PLCH1: variants seen among roughly 807,000 people sequenced by gnomAD.
The protein encoded by PLCH1 is phospholipase C eta 1, also known as 1-phosphatidylinositol 4,5-bisphosphate phosphodiesterase eta-1.
In PLCH1, 60 loss-of-function variants were observed where a neutral mutation model predicts 126.7. That is an observed-to-expected ratio of 0.47 (90% CI 0.38 to 0.59). The LOEUF (loss-of-function observed/expected upper bound fraction) is 0.59, where lower values mean the gene tolerates loss of function less well. Among genes scored for constraint, PLCH1 ranks in the 20% least tolerant of loss-of-function variants. The pLI is 0.00. For missense variants in PLCH1, 1,723 were observed against 2,040.0 expected (o/e 0.84, Z 2.99); for synonymous variants, 719 against 734.9 (o/e 0.98, Z 0.35).
chr3:155,682,837 A>G (rs1468756465), intron 2 of PLCH1, among the ~76,000 whole-genome samples: 1 of 152,238 alleles, frequency 6.6e-6, no homozygotes, highest in African/African-American at 2.4e-5. Context: ...TATTACAAAA[A>G]TTTTAGCTGA....
intron 2 of PLCH1, among the ~76,000 whole-genome samples, chr3:155,614,175 A>C (rs1735489192): frequency 1.3e-5 from 2 of 152,224 alleles, no homozygotes; most frequent in Admixed American, 1.3e-4. Context: ...AACACATTCC[A>C]TGCTCATGGA....
At chr3:155,595,203 C>A (rs1732824619) in intron 3 of PLCH1, among the ~76,000 whole-genome samples, 1 of 152,192 alleles carries the variant, frequency 6.6e-6, no homozygotes, top group Non-Finnish European at 1.5e-5. Context: ...TGGCTGGAAT[C>A]ACAGAGATTA....
rs182034199 is a variant in PLCH1, at chr3:155,583,753, A to G, written c.601-111T>C. The G allele has an allele frequency of 4.3e-3, 2,924 of 674,574 alleles. 13 individuals are homozygous for G. The highest frequency in any genetic ancestry group is 7.5e-3 in the Admixed American group (204 of 27,048). The allele number at this position is 674,574 out of a possible 1,614,324, so 41.8% of individuals were successfully genotyped here. On this transcript the variant is annotated intron_variant, in intron 5 of 22. Transcript: ENST00000460012. ...GCTAGTACACAAATCCCAAGAGGTGAGCACACATTCTCTTCGAGCACACAT... is the reference window on the plus strand; with the variant it reads ...GCTAGTACACAAATCCCAAGAGGTGGGCACACATTCTCTTCGAGCACACAT...
chr3:155,578,058 G>A (rs1387833042), intron 6 of PLCH1, among the ~76,000 whole-genome samples: 1 of 152,138 alleles, frequency 6.6e-6, no homozygotes, highest in Non-Finnish European at 1.5e-5. Flanking sequence ...TGCAGTGTGT[G>A]GAATGCAGGT....
chr3:155,633,602 A>C (rs1315547114), intron 2 of PLCH1, among the ~76,000 whole-genome samples: 1 of 152,234 alleles, frequency 6.6e-6, no homozygotes, highest in Non-Finnish European at 1.5e-5. Context: ...GTTGATGAAT[A>C]AATCAAAAGA....
At chr3:155,460,257 T>A (rs1030559856) in intron 21 of PLCH1, among the ~76,000 whole-genome samples, 3 of 152,162 alleles carry the variant, frequency 2.0e-5, no homozygotes, top group African/African-American at 7.2e-5. Context: ...AAGCATGACA[T>A]TTATTTCTTT....
At chr3:155,496,258 G>T (rs73874818) in intron 15 of PLCH1, among the ~76,000 whole-genome samples, 2,534 of 152,226 alleles carry the variant, frequency 0.017, 69 homozygotes, top group African/African-American at 0.057. Flanking sequence ...TGTTTTCCAA[G>T]CCATTTATTG....
Position 155,481,229 on chromosome 3 carries a change from G to A in PLCH1, c.4797C>T (p.Pro1599=). 1 of 1,614,212 alleles carries A rather than the reference G, an allele frequency of 6.2e-7. No individual in the cohort carries two copies. The highest frequency in any genetic ancestry group is 8.5e-7 in the Non-Finnish European group (1 of 1,180,038). Residue 1599 remains proline (P), a synonymous_variant, in exon 23 of 23, where the codon CCC becomes CCT. Transcript: ENST00000460012. The surrounding 1 kb of genome is among the most constrained non-coding windows in gnomAD (Gnocchi z 4.2). ...TAAGAACCACTCCTGCCCCATTGCTGGGGTTTGGAACTTTCTGCTTGTTGG... is the reference window on the plus strand; with the variant it reads ...TAAGAACCACTCCTGCCCCATTGCTAGGGTTTGGAACTTTCTGCTTGTTGG... ...QEANKQKVPN[P]SNGAGVVLRN...
chr3:155,594,304 C>T (rs1012780454), intron 3 of PLCH1, 120 bp from the exon 4 acceptor site: 7 of 934,532 alleles, frequency 7.5e-6, no homozygotes, highest in East Asian at 2.7e-5. Context: ...AGGCTGGGTG[C>T]TCACGCTTGT....
intron 10 of PLCH1, among the ~76,000 whole-genome samples, chr3:155,524,230 G>A (rs1284992748): frequency 6.6e-6 from 1 of 152,186 alleles, no homozygotes. Flanking sequence ...ATAAAAGAAA[G>A]TGTATTGTAT....
chr3:155,612,386 G>A (rs1735220661), intron 2 of PLCH1, among the ~76,000 whole-genome samples: 1 of 146,938 alleles, frequency 6.8e-6, no homozygotes, highest in Admixed American at 6.8e-5. Flanking sequence ...ATATCAAAAA[G>A]TCTGAAAGAG....
At chr3:155,610,276 G>A (rs142642361) in intron 2 of PLCH1, among the ~76,000 whole-genome samples, 27 of 147,600 alleles carry the variant, frequency 1.8e-4, no homozygotes, top group East Asian at 1.0e-3. Context: ...CAGGAGAATC[G>A]CTTGAACCTG....
chr3:155,743,527 G>A (rs1357334443), intron 1 of PLCH1: 1 of 450,684 alleles, frequency 2.2e-6, no homozygotes, highest in African/African-American at 2.0e-5. Flanking sequence ...GCCAGACTCC[G>A]TCTCAAAAAA....
At chr3:155,601,559 A>G (rs1338589039) in intron 2 of PLCH1, among the ~76,000 whole-genome samples, 4 of 152,108 alleles carry the variant, frequency 2.6e-5, no homozygotes, top group Non-Finnish European at 4.4e-5. Flanking sequence ...TGATTACTAT[A>G]TATCATTTGG....
At chr3:155,606,691 G>T (rs996642729) in intron 2 of PLCH1, among the ~76,000 whole-genome samples, 11 of 152,140 alleles carry the variant, frequency 7.2e-5, no homozygotes, top group African/African-American at 2.4e-4. Flanking sequence ...GCATGAAGAA[G>T]GTATTGAATG....
chr3:155,698,007 C>G (rs1239883599), intron 2 of PLCH1, among the ~76,000 whole-genome samples: 2 of 152,174 alleles, frequency 1.3e-5, no homozygotes, highest in African/African-American at 4.8e-5. Context: ...GACAAAGGAA[C>G]TCCCACCCTC....
intron 4 of PLCH1, among the ~76,000 whole-genome samples, chr3:155,588,187 C>T (rs139480111): frequency 3.9e-5 from 6 of 152,048 alleles, no homozygotes; most frequent in African/African-American, 1.4e-4. Context: ...TTTGTAAATA[C>T]CTTATTTCAT....
Position 155,456,007 on chromosome 3 carries a change from T to G in PLCH1, c.2938+29349A>C, listed in dbSNP as rs182387122. On this transcript the variant is annotated intron_variant, in intron 21 of 21. Coordinates refer to the PLCH1 transcript ENST00000494598. Reference sequence around the variant, plus strand: ...AGGCTCTGTGTGCCTGCAACTGGGTTCTTACCACGCAGAATGTGGGCCAGT... The same window carrying G: ...AGGCTCTGTGTGCCTGCAACTGGGTGCTTACCACGCAGAATGTGGGCCAGT... 7.0e-4 allele frequency among the ~76,000 whole-genome samples: 107 copies of G among 152,316 alleles called. 1 individual carries two copies. The East Asian group carries it at 0.015, about 22-fold the overall frequency.
chr3:155,659,299 C>CTTTT (rs1559906914), intron 2 of PLCH1, among the ~76,000 whole-genome samples: 1 of 55,448 alleles, frequency 1.8e-5, no homozygotes, highest in Non-Finnish European at 3.7e-5. Context: ...TGTCTATTCA[C>CTTTT]TTCTTTTTTT....
Sources: gnomAD v4.1 joint callset for allele counts (sites outside exome capture counted in the v4.1 genomes callset) on GRCh38, gnomAD v4.1.1 for gene constraint, Gnocchi (gnomAD v3.1) non-coding constraint, MANE v1.5 for transcripts, NCBI Gene and HGNC (gene_info 2026-07-23, HGNC 2026-07-21) for gene names.